Variants in MMP20 observed in about 807,000 individuals in gnomAD.
The protein encoded by MMP20 is matrix metallopeptidase 20.
A neutral mutation model predicts 51.8 loss-of-function variants in MMP20; 50 were observed. That is an observed-to-expected ratio of 0.97 (90% CI 0.77 to 1.22). MMP20 has a LOEUF of 1.22. Among genes scored for constraint, MMP20 ranks in the 50% most tolerant of loss-of-function variants. MMP20 has a pLI of 0.00. For missense variants in MMP20, 663 were observed against 601.4 expected (o/e 1.10, Z -1.07); for synonymous variants, 244 against 216.2 (o/e 1.13, Z -1.13).
At chr11:102,580,015 A>G (rs769923598) in intron 8 of MMP20, among the ~76,000 whole-genome samples, 5 of 152,232 alleles carry the variant, frequency 3.3e-5, no homozygotes, top group Non-Finnish European at 5.9e-5. Context: ...GTGAACAATA[A>G]GTAAATAAGA....
At chr11:102,617,145 T>C (rs1427420834) in intron 1 of MMP20, 86 bp from the exon 2 acceptor site, 4 of 1,495,722 alleles carry the variant, frequency 2.7e-6, no homozygotes, top group African/African-American at 2.7e-5. Context: ...GCATTCCTGA[T>C]GTATTAAAAG....
chr11:102,591,409 G>C (rs967721583), intron 8 of MMP20, among the ~76,000 whole-genome samples: 1 of 152,146 alleles, frequency 6.6e-6, no homozygotes, highest in East Asian at 1.9e-4. Context: ...AAATATTGAG[G>C]TTTAAGCAAT....
At chr11:102,601,486 T>G (rs977577100) in intron 6 of MMP20, among the ~76,000 whole-genome samples, 1 of 152,200 alleles carries the variant, frequency 6.6e-6, no homozygotes, top group African/African-American at 2.4e-5. Context: ...TGGTTGTTAT[T>G]AAATCCTTTT....
chr11:102,594,576 C>A, intron 7 of MMP20, 45 bp downstream of exon 7: 1 of 1,609,608 alleles, frequency 6.2e-7, no homozygotes. Flanking sequence ...ATGAATGGGG[C>A]ACTGCAGCCC....
chr11:102,579,119 A>G lies in MMP20; in HGVS notation c.1271T>C (p.Met424Thr), dbSNP rs1565387516. The change falls in exon 9 of 10, where the codon ATG (methionine) becomes ACG (threonine). Residue 424 changes from methionine (M) to threonine (T), a missense_variant. Physicochemically the swap from Met to Thr is moderately conservative, Grantham distance 81 (BLOSUM62 -1). Transcript: ENST00000260228. ...AGTATTCTTTGGATAGTCTTTTTCC[A>G]TTTTCCTTTTCCTTTCGTCGTAGCT... ...YYSYDERKRK[M>T]EKDYPKNTEE... 2 of 1,613,216 alleles carry G rather than the reference A, an allele frequency of 1.2e-6. No individual in the cohort carries two copies. The highest frequency in any genetic ancestry group is 1.7e-6 in the Non-Finnish European group (2 of 1,179,350).
chr11:102,625,067 G>T, intron 1 of MMP20, 127 bp downstream of exon 1: 1 of 1,240,654 alleles, frequency 8.1e-7, no homozygotes, highest in Admixed American at 1.7e-5. Context: ...GCATCAGTTA[G>T]ACTTCAATGG....
At chr11:102,609,775 G>T in intron 4 of MMP20, 130 bp downstream of exon 4, 1 of 1,322,958 alleles carries the variant, frequency 7.6e-7, no homozygotes, top group Non-Finnish European at 1.1e-6. Context: ...TGGATTTTTG[G>T]CTTACTTGTT....
intron 8 of MMP20, among the ~76,000 whole-genome samples, chr11:102,584,305 T>G (rs924603713): frequency 6.6e-6 from 1 of 152,200 alleles, no homozygotes; most frequent in Admixed American, 6.5e-5. Context: ...TTATCTGACT[T>G]TTTGATTATG....
chr11:102,582,089 C>A (rs1313345927), intron 8 of MMP20, among the ~76,000 whole-genome samples: 1 of 152,206 alleles, frequency 6.6e-6, no homozygotes, highest in Non-Finnish European at 1.5e-5. Flanking sequence ...TCATTGCCTG[C>A]AACAGATATC....
At chr11:102,577,484 G>T in intron 9 of MMP20, 58 bp from the exon 10 acceptor site, 1 of 1,194,238 alleles carries the variant, frequency 8.4e-7, no homozygotes, top group Non-Finnish European at 1.2e-6. Context: ...TATATAAATG[G>T]AAGAATTTGT....
At position 102,594,606 on chromosome 11, in the gene MMP20, G is replaced by A; in HGVS notation, c.1090+15C>T. The A allele has an allele frequency of 1.2e-6, 2 of 1,613,242 alleles. No individual in the cohort carries two copies. Among genetic ancestry groups the A allele is most frequent in the Non-Finnish European group, 1.7e-6 (2 of 1,179,858 alleles). On this transcript the variant is annotated intron_variant, in intron 7 of 9. Transcript: ENST00000260228. ...CAGCCCTGCCATTTCTTTCTTTGAG[G>A]GATCTGTAGGGTACCTTTGAAGAAG...
chr11:102,624,050 G>A (rs1337455253), intron 1 of MMP20, among the ~76,000 whole-genome samples: 2 of 152,354 alleles, frequency 1.3e-5, no homozygotes, highest in East Asian at 3.9e-4. Context: ...CTGCGGGGCT[G>A]ATATTTAAGT....
chr11:102,578,268 G>T (rs10895319), intron 9 of MMP20, among the ~76,000 whole-genome samples: 144,726 of 152,010 alleles, frequency 0.95, 69,100 homozygotes, highest in Non-Finnish European at 0.99. Context: ...CTCAGCATCC[G>T]GAGTAGCTGG....
At position 102,609,989 on chromosome 11, in the gene MMP20, G is replaced by A. The variant is rs1213539193; in HGVS notation, c.565C>T (p.Leu189=). The part of the protein sequence containing the change: ...SYPFDGPRGT[L]AHAFAPGEGL... ...TCTCCAGGAGCAAATGCATGGGCTA[G>A]AGTCCCCCGAGGCCCATCGAATGGA... is the stretch of plus-strand genomic sequence containing the variant. The change falls in exon 4 of 10, where the codon CTA becomes TTA. Residue 189 remains leucine (L), a synonymous_variant. Transcript: ENST00000260228. 1.9e-6 allele frequency: 3 copies of A among 1,614,156 alleles called. No homozygotes were observed.
intron 1 of MMP20, among the ~76,000 whole-genome samples, chr11:102,620,245 G>A (rs1456786785): frequency 2.0e-5 from 3 of 152,178 alleles, no homozygotes; most frequent in Non-Finnish European, 2.9e-5. Flanking sequence ...ATGTTTCCTT[G>A]AAGAATTATC....
intron 1 of MMP20, among the ~76,000 whole-genome samples, chr11:102,620,981 C>T (rs1015243953): frequency 4.6e-5 from 7 of 152,184 alleles, no homozygotes; most frequent in South Asian, 2.1e-4. Context: ...CGCCCTGTTT[C>T]GGCTGCTTGA....
At chr11:102,622,687 T>C (rs1156605443) in intron 1 of MMP20, among the ~76,000 whole-genome samples, 1 of 152,202 alleles carries the variant, frequency 6.6e-6, no homozygotes, top group Non-Finnish European at 1.5e-5. Context: ...GACTTGTTTA[T>C]CTTCTCCCAG....
chr11:102,583,491 A>C (rs1021790658), intron 8 of MMP20: 6 of 152,208 alleles, frequency 3.9e-5, no homozygotes, highest in African/African-American at 1.4e-4. Context: ...TACAGTATTC[A>C]GTACAGTATC....
intron 8 of MMP20, among the ~76,000 whole-genome samples, chr11:102,588,140 G>A (rs945864653): frequency 2.0e-5 from 3 of 151,642 alleles, no homozygotes; most frequent in Admixed American, 1.3e-4. Flanking sequence ...GTTGATGTAG[G>A]GCTTGCCATA....
Sources: allele counts gnomAD v4.1 joint callset (sites outside exome capture counted in the v4.1 genomes callset), GRCh38; gene constraint gnomAD v4.1.1; transcripts MANE v1.5; gene names NCBI Gene and HGNC (gene_info 2026-07-23, HGNC 2026-07-21).